The following RNF213 variants were observed in gnomAD, a reference collection of about 807,000 sequenced individuals.
RNF213 encodes the protein ring finger protein 213, also known as E3 ubiquitin-protein ligase RNF213.
RNF213 carries 341 observed loss-of-function variants against 514.4 expected under a neutral mutation model. That is an observed-to-expected ratio of 0.66 (90% CI 0.61 to 0.73). The LOEUF is 0.73. RNF213 is among the 30% of genes least tolerant of loss of function. The pLI, the probability that RNF213 is intolerant of heterozygous loss-of-function variation, is 0.00. For missense variants in RNF213, 5,767 were observed against 6,615.6 expected, an observed-to-expected ratio of 0.87 and a Z score of 4.45; for synonymous variants, 2,655 against 2,658.2, an observed-to-expected ratio of 1.00 and a Z score of 0.04.
At chr17:80,375,649 G>A in intron 50 of RNF213, 111 bp from the exon 51 acceptor site, 4 of 761,126 alleles carry the variant, frequency 5.3e-6, no homozygotes, top group Non-Finnish European at 4.7e-6. Context: ...GTTGCAGTGA[G>A]CCGAGATCAT....
chr17:80,275,403 T>G (rs892521977), intron 3 of RNF213, among the ~76,000 whole-genome samples: 1 of 151,928 alleles, frequency 6.6e-6, no homozygotes, highest in Non-Finnish European at 1.5e-5. Flanking sequence ...GAATAAACCC[T>G]TTGCCATCTG....
At chr17:80,329,702 A>C (rs1189527827) in intron 20 of RNF213, among the ~76,000 whole-genome samples, 1 of 152,066 alleles carries the variant, frequency 6.6e-6, no homozygotes, top group Non-Finnish European at 1.5e-5. Context: ...ACGGTGGTGC[A>C]TGCCTGTATT....
At chr17:80,388,797 C>T (rs1212915131) in intron 64 of RNF213, 108 bp downstream of exon 64, 7 of 901,606 alleles carry the variant, frequency 7.8e-6, no homozygotes, top group Non-Finnish European at 1.3e-5. Context: ...GCTGTGAGCC[C>T]ACAGTTTCTG....
chr17:80,374,477 C>T lies in RNF213; in HGVS notation c.12962C>T (p.Pro4321Leu). 1 of 1,614,184 alleles carries T rather than the reference C, an allele frequency of 6.2e-7. No individual in the cohort carries two copies. Among genetic ancestry groups the T allele is most frequent in the Non-Finnish European group, 8.5e-7 (1 of 1,180,022 alleles). Residue 4321 changes from proline to leucine, a missense_variant, in exon 50 of 68, where the codon CCA becomes CTA. By Grantham distance (98) the Pro-to-Leu change is moderately conservative. Around this residue, in one of 13 missense-constraint regions of RNF213, gnomAD observed 1,245 missense variants for 1,339.0 expected, o/e 0.93. Coordinates refer to ENST00000582970, the MANE Select transcript of RNF213 (RefSeq NM_001256071.3). Reference protein sequence around the residue: ...VKQQGLRQDHPGQMDRYLVYG... With the variant: ...VKQQGLRQDHLGQMDRYLVYG... ...TTCCAGGGGCTGCGGCAGGACCACC[C>T]AGGCCAGATGGATAGGTACCTGGTG...
intron 42 of RNF213, among the ~76,000 whole-genome samples, chr17:80,366,200 G>A (rs2079265437): frequency 6.6e-6 from 1 of 152,254 alleles, no homozygotes; most frequent in Non-Finnish European, 1.5e-5. Flanking sequence ...CGGAACTGCT[G>A]CAGGATGGCA....
chr17:80,319,842 G>A lies in RNF213; in HGVS notation c.3024+530G>A, dbSNP rs183330576. 482 of 1,183,980 alleles carry A rather than the reference G, an allele frequency of 4.1e-4. 2 individuals carry two copies. In the African/African-American group the frequency reaches 6.7e-3, roughly 16 times the overall value. The allele number at this position is 1,183,980 out of a possible 1,614,324, so 73.3% of individuals were successfully genotyped here. On this transcript the variant is annotated intron_variant, in intron 17 of 67. Transcript: ENST00000582970. The stretch of plus-strand genomic sequence containing the variant: ...CATGAGGAAGCTCCCTGCTGGCCAC[G>A]GCTGCCCTGCTCACATTTCCTAATT...
chr17:80,379,912 G>T, intron 55 of RNF213, 198 bp downstream of exon 55: 1 of 614,622 alleles, frequency 1.6e-6, no homozygotes, highest in Non-Finnish European at 3.0e-6. Flanking sequence ...GGATCCCTGG[G>T]CCCTGAAATG....
intron 3 of RNF213, among the ~76,000 whole-genome samples, chr17:80,273,912 G>A (rs1026886811): frequency 5.3e-5 from 8 of 151,940 alleles, no homozygotes; most frequent in South Asian, 2.1e-4. Context: ...GAGCCACCGC[G>A]CCCGGCCTCC....
intron 56 of RNF213, chr17:80,381,247 G>T: frequency 1.7e-6 from 1 of 600,652 alleles, no homozygotes; most frequent in Non-Finnish European, 3.0e-6. Flanking sequence ...GAGTAGAGAG[G>T]CTGACATCTT....
At chr17:80,334,399 T>C in intron 22 of RNF213, 129 bp downstream of exon 22, 1 of 976,386 alleles carries the variant, frequency 1.0e-6, no homozygotes, top group Non-Finnish European at 1.5e-6. Flanking sequence ...AGAAAGACGT[T>C]GCCTGCATGC....
chr17:80,285,007 A>G (rs1366801829), intron 3 of RNF213, among the ~76,000 whole-genome samples: 2 of 152,218 alleles, frequency 1.3e-5, no homozygotes, highest in Non-Finnish European at 2.9e-5. Flanking sequence ...TACTCAAACC[A>G]TGCAGCCGAT....
chr17:80,314,224 TGGTGAAGGTGATGGTGGA>T (rs2045738284), intron 15 of RNF213, among the ~76,000 whole-genome samples: 1 of 120,908 alleles, frequency 8.3e-6, no homozygotes, highest in African/African-American at 3.6e-5. Flanking sequence ...GTGATGGTGG[TGGTGAAGGTGATGGTGGA>T]GGTACTGGAG....
chr17:80,376,856 G>A (rs1259528109), intron 52 of RNF213, 26 bp from the exon 53 acceptor site: 1 of 1,603,574 alleles, frequency 6.2e-7, no homozygotes, highest in South Asian at 1.1e-5. Flanking sequence ...CTTATCTAGA[G>A]CTGTCTCTGT....
chr17:80,280,807 A>G (rs1169661323), intron 3 of RNF213, among the ~76,000 whole-genome samples: 1 of 152,126 alleles, frequency 6.6e-6, no homozygotes, highest in East Asian at 1.9e-4. Flanking sequence ...TGGTGAGGAT[A>G]CTTAACAGAT....
chr17:80,290,735 G>A lies in RNF213; in HGVS notation c.1271+7G>A, dbSNP rs562273966. On this transcript the variant is annotated splice_region_variant and intron_variant, in intron 7 of 67. Transcript: ENST00000582970. ...GTGAGCTGCACTACACCAGGTGAGC[G>A]TGTCTGTAGGCTTGGGAGGAATCCC... The A allele has an allele frequency of 1.9e-5, 31 of 1,614,084 alleles. No individual in the cohort carries two copies. Among genetic ancestry groups the A allele is most frequent in the African/African-American group, 1.6e-4 (12 of 75,028 alleles).
rs781413145 is a variant in RNF213 at position 80,295,568 on chromosome 17, C to G, written c.1767C>G (p.Tyr589Ter). ...TCTCCCACCATCAGGTGAAGAGATACCTGTGGCAACATCTGAAAAAACACG... is the reference window on the plus strand; with the variant it reads ...TCTCCCACCATCAGGTGAAGAGATAGCTGTGGCAACATCTGAAAAAACACG... ...LQYREKEVKR[Y>*]LWQHLKKHVV... Residue 589 changes from tyrosine (Y) to a stop codon, truncating the protein, a stop_gained, in exon 10 of 68, where the codon TAC becomes TAG. Transcript: ENST00000582970. LOFTEE classifies it high-confidence loss of function. 6.2e-6 allele frequency: 10 copies of G among 1,614,118 alleles called. No homozygotes were observed. Among genetic ancestry groups the G allele is most frequent in the Non-Finnish European group, 7.6e-6 (9 of 1,180,006 alleles).
intron 38 of RNF213, among the ~76,000 whole-genome samples, chr17:80,361,248 A>T (rs2144367577): frequency 1.3e-5 from 2 of 152,294 alleles, no homozygotes; most frequent in Admixed American, 1.3e-4. Flanking sequence ...AAAATATCCT[A>T]GGCCAGGCGC....
chr17:80,306,357 G>T lies in RNF213; in HGVS notation c.2316G>T (p.Met772Ile), dbSNP rs143639056. Residue 772 changes from methionine to isoleucine, a missense_variant, in exon 12 of 68, where the codon ATG becomes ATT. By Grantham distance (10) the Met-to-Ile change is conservative. Coordinates refer to ENST00000582970, the MANE Select transcript of RNF213 (RefSeq NM_001256071.3). Reference protein sequence around the residue: ...FSLLPLSHLVMYMENFIEHLG... With the variant: ...FSLLPLSHLVIYMENFIEHLG... ...TGCTACCTCTGAGTCACCTGGTTAT[G>T]TATATGGAAAACTTCATTGAGCACC... 18 of 1,614,050 alleles carry T rather than the reference G, an allele frequency of 1.1e-5. No individual in the cohort carries two copies. The African/African-American group carries it at 2.1e-4, about 19-fold the overall frequency.
Position 80,360,086 on chromosome 17 carries a change from G to A in RNF213, c.11080G>A (p.Val3694Met). ...ACATAAAGGTGAGATGGCCTACATC[G>A]TGGTGCAGAACCACATGAACCTTTC... is the stretch of plus-strand genomic sequence containing the variant. Reference protein sequence around the residue: ...ERHKGEMAYIVVQNHMNLSEN... With the variant: ...ERHKGEMAYIMVQNHMNLSEN... Residue 3694 changes from valine (V) to methionine (M), a missense_variant, in exon 38 of 68, where the codon GTG becomes ATG. Coordinates refer to ENST00000582970, the MANE Select transcript of RNF213 (RefSeq NM_001256071.3). 3.1e-6 allele frequency: 5 copies of A among 1,614,068 alleles called. No individual in the cohort carries two copies. The highest frequency in any genetic ancestry group is 4.2e-6 in the Non-Finnish European group (5 of 1,180,012).
Sources: allele counts gnomAD v4.1 joint callset (sites outside exome capture counted in the v4.1 genomes callset), GRCh38; gene constraint gnomAD v4.1.1; regional missense constraint gnomAD v4.1.1; transcripts MANE v1.5; gene names NCBI Gene and HGNC (gene_info 2026-07-23, HGNC 2026-07-21).